CYP39A1: variants seen among roughly 807,000 people sequenced by gnomAD.
CYP39A1 encodes the protein cytochrome P450 family 39 subfamily A member 1, also known as 24-hydroxycholesterol 7-alpha-hydroxylase.
A neutral mutation model predicts 58.1 loss-of-function variants in CYP39A1; 49 were observed. The ratio of observed to expected loss-of-function variants is 0.84; its 90% CI spans 0.67 to 1.07. The LOEUF is 1.07. CYP39A1 is among the 50% of genes least tolerant of loss of function. The pLI, the probability that CYP39A1 is intolerant of heterozygous loss-of-function variation, is 0.00. For missense variants in CYP39A1, 531 were observed against 539.4 expected (o/e 0.98, Z 0.16); for synonymous variants, 209 against 187.6 (o/e 1.11, Z -0.93).
chr6:46,612,255 T>C (rs896645989), intron 7 of CYP39A1, among the ~76,000 whole-genome samples: 2 of 152,052 alleles, frequency 1.3e-5, no homozygotes, highest in African/African-American at 4.8e-5. Context: ...GTGGAAGAAA[T>C]AAAGCTTCCT....
At chr6:46,573,833 C>A (rs769032010) in intron 10 of CYP39A1, among the ~76,000 whole-genome samples, 1 of 151,972 alleles carries the variant, frequency 6.6e-6, no homozygotes, top group Non-Finnish European at 1.5e-5. Context: ...GAAGCTAAGC[C>A]CTTTAAAAAA....
intron 5 of CYP39A1, among the ~76,000 whole-genome samples, chr6:46,635,811 C>T (rs972250115): frequency 4.6e-5 from 7 of 152,136 alleles, no homozygotes; most frequent in South Asian, 2.1e-4. Context: ...AATTCTCCTG[C>T]GTCGGCCCCC....
intron 8 of CYP39A1, among the ~76,000 whole-genome samples, chr6:46,595,296 C>T (rs950554927): frequency 5.3e-5 from 8 of 151,908 alleles, no homozygotes; most frequent in Non-Finnish European, 1.0e-4. Context: ...ATCTAGCAAT[C>T]CCACTACTGG....
At chr6:46,595,504 A>G (rs554629770) in intron 8 of CYP39A1, among the ~76,000 whole-genome samples, 19 of 152,096 alleles carry the variant, frequency 1.2e-4, no homozygotes, top group Admixed American at 2.6e-4. Context: ...ACCACATATA[A>G]GTGTATTTTC....
At position 46,587,265 on chromosome 6, in the gene CYP39A1, C is replaced by A; in HGVS notation, c.1162-100G>T. 3.9e-6 allele frequency: 3 copies of A among 779,070 alleles called. No homozygotes were observed. In the Admixed American group the frequency reaches 6.8e-5, roughly 18 times the overall value. 48.3% of individuals were successfully genotyped at this position (779,070 alleles called of 1,614,324 possible). ...AATGACCTTGTACAGCTAATCCTTG[C>A]ATATAAAGTTGCAGGGTTGTTGGTA... On this transcript the variant is annotated intron_variant, in intron 9 of 11. Transcript: ENST00000275016.
At chr6:46,637,501 G>T (rs1163670304) in intron 4 of CYP39A1, among the ~76,000 whole-genome samples, 1 of 152,200 alleles carries the variant, frequency 6.6e-6, no homozygotes, top group African/African-American at 2.4e-5. Context: ...TTCTGAGACT[G>T]CTCAGGTTGA....
intron 10 of CYP39A1, among the ~76,000 whole-genome samples, chr6:46,581,669 G>A (rs1044201890): frequency 6.6e-6 from 1 of 152,020 alleles, no homozygotes; most frequent in Non-Finnish European, 1.5e-5. Flanking sequence ...TGGGAGGGGG[G>A]TGAGGCACTG....
chr6:46,639,118 A>G (rs983044711), intron 3 of CYP39A1, among the ~76,000 whole-genome samples: 1 of 152,234 alleles, frequency 6.6e-6, no homozygotes, highest in Non-Finnish European at 1.5e-5. Context: ...TTCTAATAAT[A>G]GCAAATTGCA....
chr6:46,593,459 C>T (rs1179721046), intron 8 of CYP39A1, among the ~76,000 whole-genome samples: 6 of 151,898 alleles, frequency 4.0e-5, no homozygotes, highest in Non-Finnish European at 7.4e-5. Context: ...GCACTCCAGC[C>T]TTGGTGACAG....
chr6:46,627,717 T>C (rs1488101294), intron 6 of CYP39A1, among the ~76,000 whole-genome samples: 1 of 152,180 alleles, frequency 6.6e-6, no homozygotes, highest in East Asian at 1.9e-4. Context: ...TTTTTTTTAA[T>C]GTCTCCTTTT....
intron 7 of CYP39A1, among the ~76,000 whole-genome samples, chr6:46,624,906 T>G (rs1334044916): frequency 6.6e-6 from 1 of 152,194 alleles, no homozygotes; most frequent in Non-Finnish European, 1.5e-5. Context: ...ATCCTCAAAT[T>G]TCTAACAACC....
In CYP39A1 at chr6:46,625,507, A is replaced by G. The variant is rs1199255885; in HGVS notation, c.842T>C (p.Val281Ala). The G allele has an allele frequency of 1.9e-6, 3 of 1,605,840 alleles. No homozygotes were observed. The highest frequency in any genetic ancestry group is 2.6e-6 in the Non-Finnish European group (3 of 1,175,632). Residue 281 changes from valine (V) to alanine (A), a missense_variant and splice_region_variant, in exon 7 of 12, where the codon GTT (valine) becomes GCT (alanine). Physicochemically the swap from Val to Ala is moderately conservative, Grantham distance 64. Coordinates refer to ENST00000275016, the MANE Select transcript of CYP39A1 (RefSeq NM_016593.5). ...GACGTATGCAAGTGTCCAAAATGCA[A>G]CCTTAAAAAGAAAAACATATATCAA... ...LWASLSNAVP[V>A]AFWTLAYVLS...
intron 5 of CYP39A1, among the ~76,000 whole-genome samples, chr6:46,632,100 CT>C (rs200637010): frequency 3.5e-4 from 52 of 149,886 alleles, no homozygotes; most frequent in Middle Eastern, 6.9e-3. Context: ...ATACTACTAT[CT>C]TTTTTTTTTA....
At chr6:46,550,477 A>T (rs200326475) in intron 11 of CYP39A1, 40 bp from the exon 12 acceptor site, 1 of 1,562,230 alleles carries the variant, frequency 6.4e-7, no homozygotes, top group Non-Finnish European at 8.8e-7. Context: ...ATTAAGAGAC[A>T]TAAGTCCACA....
chr6:46,630,811 T>C, intron 6 of CYP39A1, 152 bp downstream of exon 6: 1 of 629,270 alleles, frequency 1.6e-6, no homozygotes, highest in Non-Finnish European at 2.7e-6. Context: ...GCATTCAGTT[T>C]TGGTTTTTAT....
At chr6:46,631,159 A>G (rs765105819) in intron 5 of CYP39A1, 89 bp from the exon 6 acceptor site, 40 of 1,022,314 alleles carry the variant, frequency 3.9e-5, no homozygotes, top group Non-Finnish European at 5.5e-5. Flanking sequence ...TTTCTTTAAT[A>G]TGAAAGATAT....
intron 7 of CYP39A1, among the ~76,000 whole-genome samples, chr6:46,609,937 T>C (rs998496831): frequency 2.0e-5 from 3 of 152,196 alleles, no homozygotes; most frequent in Non-Finnish European, 4.4e-5. Context: ...AGTCAAATTA[T>C]AGAAAATTCA....
At chr6:46,580,340 AT>A (rs1178637171) in intron 10 of CYP39A1, among the ~76,000 whole-genome samples, 1 of 152,238 alleles carries the variant, frequency 6.6e-6, no homozygotes, top group Admixed American at 6.5e-5. Context: ...CTTTCACTGT[AT>A]ACAAAAATCA....
intron 10 of CYP39A1, among the ~76,000 whole-genome samples, chr6:46,554,495 C>G (rs1281964796): frequency 1.3e-5 from 2 of 152,266 alleles, no homozygotes; most frequent in East Asian, 1.9e-4. Context: ...ATCACACACT[C>G]TTGATAATAA....
Sources: allele counts gnomAD v4.1 joint callset (sites outside exome capture counted in the v4.1 genomes callset), GRCh38; gene constraint gnomAD v4.1.1; transcripts MANE v1.5; gene names NCBI Gene and HGNC (gene_info 2026-07-23, HGNC 2026-07-21).